The following TGFBI variants were observed in gnomAD, a reference collection of about 807,000 sequenced individuals.
TGFBI encodes transforming growth factor-beta-induced protein ig-h3.
In TGFBI, 50 loss-of-function variants were observed where a neutral mutation model predicts 73.7. The ratio of observed to expected loss-of-function variants is 0.68; its 90% CI spans 0.54 to 0.86. The LOEUF (loss-of-function observed/expected upper bound fraction) is 0.86, where lower values mean the gene tolerates loss of function less well. Ranked by LOEUF, TGFBI falls within the 40% of genes least tolerant of loss-of-function variation. The probability of loss-of-function intolerance (pLI) is 0.00; values close to 1 mark genes in which losing one functional copy is unlikely to be tolerated. For missense variants in TGFBI, 839 were observed against 877.0 expected (o/e 0.96, Z 0.55); for synonymous variants, 362 against 360.5 (o/e 1.00, Z -0.05).
intron 15 of TGFBI, among the ~76,000 whole-genome samples, chr5:136,062,362 G>T (rs149695978): frequency 6.6e-6 from 1 of 152,116 alleles, no homozygotes; most frequent in Non-Finnish European, 1.5e-5. Flanking sequence ...TTCTACTCCT[G>T]AGGCCACCTC....
rs1561612499 is a variant in TGFBI at position 136,052,982 on chromosome 5, T to A, written c.989T>A (p.Leu330Gln). ...AIVAGLSVET[L>Q]EGTTLEVGCS... ...GTTGCGGGGCTGTCTGTAGAGACCC[T>A]GGAGGGCACGACACTGGAGGTGGGC... Residue 330 changes from leucine (L) to glutamine (Q), a missense_variant, in exon 8 of 17, where the codon CTG becomes CAG. By Grantham distance (113) the Leu-to-Gln change is moderately radical. Coordinates refer to ENST00000442011, the MANE Select transcript of TGFBI (RefSeq NM_000358.3). 1 of 1,614,014 alleles carries A rather than the reference T, an allele frequency of 6.2e-7. No homozygotes were observed. The highest frequency in any genetic ancestry group is 8.5e-7 in the Non-Finnish European group (1 of 1,179,884).
rs1751565114 is a variant in TGFBI, at chr5:136,053,058, A to C, written c.1065A>C (p.Lys355Asn). ...TINGKAIISN[K>N]DILATNGVIH... ...ACGGGAAGGCGATCATCTCCAATAA[A>C]GACATCCTAGCCACCAACGGGGTGA... The change falls in exon 8 of 17, where the codon AAA becomes AAC. Residue 355 changes from lysine (K) to asparagine (N), a missense_variant. Transcript: ENST00000442011. The C allele has an allele frequency of 6.2e-7, 1 of 1,613,936 alleles. No homozygotes were observed. The highest frequency in any genetic ancestry group is 1.7e-5 in the Admixed American group (1 of 60,008).
At chr5:136,032,065 G>T (rs1397957100) in intron 1 of TGFBI, among the ~76,000 whole-genome samples, 1 of 152,176 alleles carries the variant, frequency 6.6e-6, no homozygotes, top group Non-Finnish European at 1.5e-5. Flanking sequence ...CAATAAATAG[G>T]ACCGGGGGCT....
Position 136,054,808 on chromosome 5 carries a change from C to T in TGFBI, c.1357C>T (p.Gln453Ter). Residue 453 changes from glutamine to a stop codon, truncating the protein, a stop_gained, in exon 10 of 17, where the codon CAG becomes TAG. Coordinates refer to ENST00000442011, the MANE Select transcript of TGFBI (RefSeq NM_000358.3). LOFTEE classifies it high-confidence loss of function. ...QLASKYLYHG[Q>*]TLETLGGKKL... is the part of the protein sequence containing the mutation. Reference sequence around the variant, plus strand: ...GGCCTCTAAGTATCTGTACCATGGACAGACCCTGGAAACTCTGGGCGGCAA... The same window carrying T: ...GGCCTCTAAGTATCTGTACCATGGATAGACCCTGGAAACTCTGGGCGGCAA... 1.2e-6 allele frequency: 2 copies of T among 1,613,906 alleles called. No homozygotes were observed. Among genetic ancestry groups the T allele is most frequent in the Non-Finnish European group, 1.7e-6 (2 of 1,179,892 alleles).
At chr5:136,043,092 A>G (rs3805700) in intron 2 of TGFBI, among the ~76,000 whole-genome samples, 56,565 of 152,124 alleles carry the variant, frequency 0.37, 11,633 homozygotes, top group African/African-American at 0.56. Context: ...AGAAAGGAAA[A>G]GGAAGGACTG....
chr5:136,031,967 G>A (rs930227226), intron 1 of TGFBI, among the ~76,000 whole-genome samples: 6 of 152,172 alleles, frequency 3.9e-5, no homozygotes, highest in African/African-American at 7.2e-5. Flanking sequence ...CTGAAGATTC[G>A]CCAAACGCCT....
chr5:136,054,945 A>T (rs771819733), intron 10 of TGFBI, 84 bp downstream of exon 10: 600 of 1,513,550 alleles, frequency 4.0e-4, no homozygotes, highest in Admixed American at 4.8e-4. Context: ...GTCCTCAATA[A>T]GCAGGAGTTT....
At chr5:136,033,318 A>G (rs771488241) in intron 1 of TGFBI, among the ~76,000 whole-genome samples, 23 of 152,274 alleles carry the variant, frequency 1.5e-4, no homozygotes, top group Non-Finnish European at 2.9e-4. Flanking sequence ...ATCCCCTATC[A>G]GGGTCCTGAG....
At position 136,049,483 on chromosome 5, in the gene TGFBI, C is replaced by T. The variant is rs34334509; in HGVS notation, c.816C>T (p.Asn272=). 13,411 of 1,613,978 alleles carry T rather than the reference C, an allele frequency of 8.3e-3. 132 individuals are homozygous for T. The highest frequency in any genetic ancestry group is 0.032 in the South Asian group (2,937 of 91,066). ...GGCTCAACACGATGCTTGAAGGTAA[C>T]GGCCAGTACACGCTTTTGGCCCCGA... ...ASGLNTMLEG[N]GQYTLLAPTN... The change falls in exon 7 of 17, where the codon AAC becomes AAT. Residue 272 remains asparagine, a synonymous_variant. Transcript: ENST00000442011.
rs1406560926 is a variant in TGFBI, at chr5:136,053,985, C to T, written c.1169C>T (p.Thr390Ile). Residue 390 changes from threonine (T) to isoleucine (I), a missense_variant, in exon 9 of 17, where the codon ACA becomes ATA. By Grantham distance (89) the Thr-to-Ile change is moderately conservative. Coordinates refer to ENST00000442011, the MANE Select transcript of TGFBI (RefSeq NM_000358.3). ...FELAAESDVS[T>I]AIDLFRQAGL... ...TTGGCTGCAGAGTCTGATGTGTCCA[C>T]AGCCATTGACCTTTTCAGACAAGCC... The T allele has an allele frequency of 1.2e-6, 2 of 1,614,078 alleles. No homozygotes were observed. Among genetic ancestry groups the T allele is most frequent in the Non-Finnish European group, 1.7e-6 (2 of 1,179,910 alleles).
chr5:136,045,497 A>C (rs1184241039), intron 3 of TGFBI, among the ~76,000 whole-genome samples: 1 of 152,158 alleles, frequency 6.6e-6, no homozygotes, highest in Non-Finnish European at 1.5e-5. Flanking sequence ...GTGAGCTGAG[A>C]TAGGGCCGTT....
At chr5:136,048,241 G>A (rs1380261209) in intron 6 of TGFBI, 1 of 152,190 alleles carries the variant, frequency 6.6e-6, no homozygotes, top group Non-Finnish European at 1.5e-5. Context: ...TTTTCTTCTG[G>A]GTTGCTCGAA....
At position 136,029,097 on chromosome 5, in the gene TGFBI, G is replaced by A. The variant is rs1465394736; in HGVS notation, c.42G>A (p.Leu14=). Residue 14 remains leucine (L), a synonymous_variant, in exon 1 of 17, where the codon CTG becomes CTA. Coordinates refer to ENST00000442011, the MANE Select transcript of TGFBI (RefSeq NM_000358.3). ...GGCTGCTGGCTCTCGCCCTGGCTCT[G>A]GCCCTGGGCCCCGCCGCGACCCTGG... ...FVRLLALALA[L]ALGPAATLAG... 1.3e-6 allele frequency: 2 copies of A among 1,526,530 alleles called. No individual in the cohort carries two copies. Among genetic ancestry groups the A allele is most frequent in the East Asian group, 5.0e-5 (2 of 39,806 alleles). 94.6% of individuals were successfully genotyped at this position (1,526,530 alleles called of 1,614,324 possible).
At chr5:136,044,191 A>G (rs902715663) in intron 3 of TGFBI, 69 bp downstream of exon 3, 1 of 1,362,002 alleles carries the variant, frequency 7.3e-7, no homozygotes, top group African/African-American at 1.4e-5. Context: ...AGGAGTACCC[A>G]CATAAAAGGC....
At chr5:136,062,577 G>T in intron 15 of TGFBI, 86 bp from the exon 16 acceptor site, 1 of 1,374,728 alleles carries the variant, frequency 7.3e-7, no homozygotes, top group Non-Finnish European at 1.0e-6. Flanking sequence ...TTTCTGAGTA[G>T]GGGTGGCAAT....
At position 136,029,202 on chromosome 5, in the gene TGFBI, G is replaced by T; in HGVS notation, c.134+13G>T. 8 of 1,472,718 alleles carry T rather than the reference G, an allele frequency of 5.4e-6. No homozygotes were observed. Among genetic ancestry groups the T allele is most frequent in the Non-Finnish European group, 6.3e-6 (7 of 1,117,124 alleles). 91.2% of individuals were successfully genotyped at this position (1,472,718 alleles called of 1,614,324 possible). Reference sequence around the variant, plus strand: ...GCCGCCAGCACGGGTAAGCCGAGCCGCCTGGCCAGGGGCTGCGGAAGGTCA... The same window carrying T: ...GCCGCCAGCACGGGTAAGCCGAGCCTCCTGGCCAGGGGCTGCGGAAGGTCA... On this transcript the variant is annotated intron_variant, in intron 1 of 16. Transcript: ENST00000442011.
intron 12 of TGFBI, among the ~76,000 whole-genome samples, chr5:136,058,581 CTT>C (rs1364083247): frequency 6.6e-6 from 1 of 152,188 alleles, no homozygotes; most frequent in Non-Finnish European, 1.5e-5. Flanking sequence ...GCTGTCTACT[CTT>C]TTAAGTTCTC....
Position 136,044,090 on chromosome 5 carries a change from A to T in TGFBI, c.266A>T (p.Glu89Val), listed in dbSNP as rs1224761721. ...VISYECCPGY[E>V]KVPGEKGCPA... ...AGCTACGAGTGCTGTCCTGGATATG[A>T]AAAGGTCCCTGGGGAGAAGGGCTGT... The change falls in exon 3 of 17, where the codon GAA (glutamate) becomes GTA (valine). Residue 89 changes from glutamate to valine, a missense_variant. By Grantham distance (121) the Glu-to-Val change is moderately radical (BLOSUM62 -2). Coordinates refer to ENST00000442011, the MANE Select transcript of TGFBI (RefSeq NM_000358.3). 1 of 1,613,022 alleles carries T rather than the reference A, an allele frequency of 6.2e-7. No individual in the cohort carries two copies. Among genetic ancestry groups the T allele is most frequent in the Admixed American group, 1.7e-5 (1 of 59,928 alleles).
At chr5:136,058,598 C>T (rs1751692613) in intron 12 of TGFBI, among the ~76,000 whole-genome samples, 1 of 152,188 alleles carries the variant, frequency 6.6e-6, no homozygotes, top group Non-Finnish European at 1.5e-5. Flanking sequence ...GTTCTCCCTT[C>T]AGGAAATAGC....
Sources: allele counts gnomAD v4.1 joint callset (sites outside exome capture counted in the v4.1 genomes callset), GRCh38; gene constraint gnomAD v4.1.1; transcripts MANE v1.5; gene names NCBI Gene and HGNC (gene_info 2026-07-23, HGNC 2026-07-21).